Variants in TTC19 observed in about 807,000 individuals in gnomAD.
TTC19 encodes the protein tetratricopeptide repeat domain 19.
Under a neutral mutation model 49.5 loss-of-function variants are expected in TTC19, and 38 were observed. That is an observed-to-expected ratio of 0.77 (90% CI 0.59 to 1.01). TTC19 has a LOEUF of 1.01. TTC19 is among the 50% of genes least tolerant of loss of function. The pLI, the probability that TTC19 is intolerant of heterozygous loss-of-function variation, is 0.00. For synonymous variants in TTC19, 204 were observed against 185.2 expected (o/e 1.10, Z -0.83); for missense variants, 475 against 477.7 (o/e 0.99, Z 0.05).
chr17:16,042,009 C>T (rs1393733927), intron 2 of TTC19, among the ~76,000 whole-genome samples: 2 of 152,162 alleles, frequency 1.3e-5, no homozygotes, highest in Admixed American at 1.3e-4. Context: ...GCTGGGATTA[C>T]AGGTGTGAGC....
intron 2 of TTC19, chr17:16,040,588 T>A: frequency 9.3e-7 from 1 of 1,075,846 alleles, no homozygotes; most frequent in Non-Finnish European, 1.4e-6. Flanking sequence ...AATTAATCTT[T>A]TTATTTTTCA....
chr17:16,041,151 G>GA (rs1033907559), intron 2 of TTC19: 6 of 152,152 alleles, frequency 3.9e-5, no homozygotes, highest in African/African-American at 1.4e-4. Context: ...ATATTTGCTG[G>GA]AAAAAACAAA....
intron 2 of TTC19, among the ~76,000 whole-genome samples, chr17:16,037,985 A>G (rs1398854220): frequency 1.3e-5 from 2 of 152,216 alleles, no homozygotes; most frequent in African/African-American, 4.8e-5. Flanking sequence ...CACCAGTCTT[A>G]TAACCTTAAA....
At position 16,027,550 on chromosome 17, in the gene TTC19, T is replaced by C. The variant is rs1597471804; in HGVS notation, c.*28T>C. 5 of 1,612,118 alleles carry C rather than the reference T, an allele frequency of 3.1e-6. No individual in the cohort carries two copies. In the East Asian group the frequency reaches 6.7e-5, roughly 22 times the overall value. On this transcript the variant is annotated 3_prime_UTR_variant, in exon 10 of 10. Coordinates refer to ENST00000261647, the MANE Select transcript of TTC19 (RefSeq NM_017775.4). ...CCATTTTTGTGTAGGGAGAATAATG[T>C]CTAGTAATGTGGAAGAATAGCTATC...
downstream of TTC19, chr17:16,032,331 C>T (rs2151754407): frequency 2.5e-6 from 4 of 1,614,102 alleles, no homozygotes; most frequent in Non-Finnish European, 3.4e-6. Flanking sequence ...TCGTACTGTG[C>T]TGAGAGCAGT....
chr17:16,032,248 A>G, downstream of TTC19: 1 of 1,501,246 alleles, frequency 6.7e-7, no homozygotes, highest in Non-Finnish European at 8.8e-7. Context: ...TAAACCACAA[A>G]AACTAGAGAT....
chr17:16,022,737 C>T (rs1016325474), intron 7 of TTC19, among the ~76,000 whole-genome samples: 11 of 152,160 alleles, frequency 7.2e-5, no homozygotes, highest in African/African-American at 2.7e-4. Context: ...GTTTGGTCAT[C>T]TTAATACATC....
At chr17:16,033,616 A>G (rs969546000), downstream of TTC19, among the ~76,000 whole-genome samples, 2 of 151,232 alleles carry the variant, frequency 1.3e-5, no homozygotes, top group African/African-American at 4.9e-5. Flanking sequence ...AAGATGGCTT[A>G]TAATTCTCTG....
At chr17:16,039,773 A>G in intron 2 of TTC19, 1 of 833,614 alleles carries the variant, frequency 1.2e-6, no homozygotes, top group Non-Finnish European at 1.9e-6. Context: ...CTAGAACAAT[A>G]CCAGGACCCA....
intron 2 of TTC19, among the ~76,000 whole-genome samples, chr17:16,035,500 TCTTCAGG>T (rs1332866908): frequency 6.6e-6 from 1 of 151,500 alleles, no homozygotes; most frequent in East Asian, 1.9e-4. Context: ...TTCAGTTACA[TCTTCAGG>T]CTCCACTACT....
rs1277677503 is a variant in TTC19 at position 16,000,141 on chromosome 17, G to T, written c.208G>T (p.Ala70Ser). 1.3e-6 allele frequency: 2 copies of T among 1,578,810 alleles called. No individual in the cohort carries two copies. Among genetic ancestry groups the T allele is most frequent in the Non-Finnish European group, 8.5e-7 (1 of 1,171,016 alleles). ...LAALAWFSRP[A>S]AAEEEEQQGA... ...AGCGCTCGCCTGGTTCTCGAGGCCC[G>T]CTGCGGCAGAGGAGGAGGAGCAGCA... Residue 70 changes from alanine to serine, a missense_variant, in exon 2 of 10, where the codon GCT becomes TCT. By Grantham distance (99) the Ala-to-Ser change is moderately conservative. Coordinates refer to ENST00000261647, the MANE Select transcript of TTC19 (RefSeq NM_017775.4).
In TTC19 at chr17:16,002,121, T is replaced by C. The variant is rs143282989; in HGVS notation, c.423+96T>C. The C allele has an allele frequency of 2.6e-3, 2,248 of 866,576 alleles. 38 individuals carry two copies. In the African/African-American group the frequency reaches 0.031, roughly 12 times the overall value. The allele number at this position is 866,576 out of a possible 1,614,324, so 53.7% of individuals were successfully genotyped here. ...TGATTTATATTCCTGACTTTCACGA[T>C]GTTCTAAAACTCCTTTTCTTTTTAC... On this transcript the variant is annotated intron_variant, in intron 3 of 9. Coordinates refer to ENST00000261647, the MANE Select transcript of TTC19 (RefSeq NM_017775.4).
At chr17:16,007,159 G>A (rs895947348) in intron 7 of TTC19, among the ~76,000 whole-genome samples, 4 of 152,120 alleles carry the variant, frequency 2.6e-5, no homozygotes, top group Admixed American at 1.3e-4. Context: ...CAACTCTTCT[G>A]TACCTAGTGG....
intron 7 of TTC19, among the ~76,000 whole-genome samples, chr17:16,014,351 A>G (rs1338908890): frequency 6.6e-6 from 1 of 152,244 alleles, no homozygotes; most frequent in Non-Finnish European, 1.5e-5. Context: ...AAGAACGGAT[A>G]CTGGGACAAA....
chr17:16,002,044 C>A lies in TTC19; in HGVS notation c.423+19C>A. On this transcript the variant is annotated intron_variant, in intron 3 of 9. Transcript: ENST00000261647. ...TGATTTGGTAACTCTTATAACCAGT[C>A]TGAACCACTGATGAGGAAGGTTGGA... 1 of 1,535,734 alleles carries A rather than the reference C, an allele frequency of 6.5e-7. No individual in the cohort carries two copies. Among genetic ancestry groups the A allele is most frequent in the Non-Finnish European group, 9.0e-7 (1 of 1,112,632 alleles).
At chr17:16,005,329 G>A (rs1343398774) in intron 6 of TTC19, among the ~76,000 whole-genome samples, 1 of 152,210 alleles carries the variant, frequency 6.6e-6, no homozygotes, top group Non-Finnish European at 1.5e-5. Flanking sequence ...CTTGCCCTGT[G>A]TTATGGCTAG....
At chr17:16,001,318 C>T (rs949425067) in intron 2 of TTC19, among the ~76,000 whole-genome samples, 6 of 152,172 alleles carry the variant, frequency 3.9e-5, no homozygotes, top group African/African-American at 1.4e-4. Context: ...CTCTGGCTCA[C>T]CATCCTCCCT....
intron 7 of TTC19, among the ~76,000 whole-genome samples, chr17:16,010,732 A>G (rs1363503572): frequency 6.6e-6 from 1 of 152,112 alleles, no homozygotes; most frequent in Non-Finnish European, 1.5e-5. Flanking sequence ...TTTGCCTCCC[A>G]AAGTGCTGGG....
At chr17:16,020,062 CA>C (rs1488010442) in intron 7 of TTC19, among the ~76,000 whole-genome samples, 1 of 151,752 alleles carries the variant, frequency 6.6e-6, no homozygotes, top group Non-Finnish European at 1.5e-5. Flanking sequence ...CCCAGGAAGG[CA>C]GAGGTTGTAA....
Sources: allele counts gnomAD v4.1 joint callset (sites outside exome capture counted in the v4.1 genomes callset), GRCh38; gene constraint gnomAD v4.1.1; transcripts MANE v1.5; gene names NCBI Gene and HGNC (gene_info 2026-07-23, HGNC 2026-07-21).